FHIT: variants seen among roughly 807,000 people sequenced by gnomAD.
The protein encoded by FHIT is bis(5'-adenosyl)-triphosphatase.
FHIT carries 19 observed loss-of-function variants against 17.9 expected under a neutral mutation model. The observed-to-expected ratio is 1.06, with a 90% CI of 0.74 to 1.56. The LOEUF is 1.56. Ranked by LOEUF, FHIT falls within the 40% of genes most tolerant of loss-of-function variation. The pLI, the probability that FHIT is intolerant of heterozygous loss-of-function variation, is 0.00. For synonymous variants in FHIT, 81 were observed against 69.7 expected (o/e 1.16, Z -0.81); for missense variants, 248 against 189.2 (o/e 1.31, Z -1.82).
At chr3:60,737,390 C>T (rs2108001322) in intron 4 of FHIT, among the ~76,000 whole-genome samples, 1 of 152,310 alleles carries the variant, frequency 6.6e-6, no homozygotes, top group Admixed American at 6.5e-5. Flanking sequence ...TGGGCCATGA[C>T]CAGTTACACT....
chr3:60,465,525 C>T (rs754728823), intron 5 of FHIT, among the ~76,000 whole-genome samples: 2 of 151,998 alleles, frequency 1.3e-5, no homozygotes, highest in African/African-American at 4.8e-5. Flanking sequence ...AGTTTGAGGT[C>T]TTATATTTAA....
chr3:60,586,872 C>CA (rs1191140978), intron 4 of FHIT, among the ~76,000 whole-genome samples: 3 of 150,766 alleles, frequency 2.0e-5, no homozygotes, highest in Non-Finnish European at 3.0e-5. Flanking sequence ...GAAAGAGGAG[C>CA]AAAAAAAATA....
intron 5 of FHIT, among the ~76,000 whole-genome samples, chr3:60,481,251 T>G (rs1308085848): frequency 1.3e-5 from 2 of 152,128 alleles, no homozygotes; most frequent in African/African-American, 4.8e-5. Context: ...AAAACACACT[T>G]CAGGATATTA....
chr3:60,040,931 A>G lies in FHIT; in HGVS notation c.104-26779T>C, dbSNP rs368452654. Among the ~76,000 whole-genome samples, 6 of 152,284 alleles carry G rather than the reference A, an allele frequency of 3.9e-5. No homozygotes were observed. The East Asian group carries it at 5.8e-4, about 15-fold the overall frequency. The stretch of plus-strand genomic sequence containing the variant: ...TGGGGGTAAACCACCTGGGGCCTCA[A>G]GATTTATTAGGACCTCACAATAGCA... On this transcript the variant is annotated intron_variant, in intron 5 of 9. Transcript: ENST00000492590.
chr3:60,550,028 T>C (rs1211568755), intron 4 of FHIT, among the ~76,000 whole-genome samples: 1 of 152,168 alleles, frequency 6.6e-6, no homozygotes, highest in Non-Finnish European at 1.5e-5. Context: ...AGTAGGTTTC[T>C]ATTTCAATTA....
chr3:60,829,757 C>CCCGGGAGGCGGAGCTTGCAG (rs1702254097), intron 3 of FHIT, among the ~76,000 whole-genome samples: 1 of 152,140 alleles, frequency 6.6e-6, no homozygotes, highest in South Asian at 2.1e-4. Flanking sequence ...GAGGGAAGAA[C>CCCGGGAGGCGGAGCTTGCAG]TGAAACTCGG....
chr3:61,053,235 A>C (rs1273313080), intron 2 of FHIT, among the ~76,000 whole-genome samples: 3 of 152,206 alleles, frequency 2.0e-5, no homozygotes, highest in African/African-American at 7.2e-5. Context: ...TCAACCTGCC[A>C]TGCCTCTTGA....
chr3:61,202,507 GT>G (rs201722189), intron 1 of FHIT, among the ~76,000 whole-genome samples: 15,483 of 135,662 alleles, frequency 0.11, 907 homozygotes, highest in Non-Finnish European at 0.15. Flanking sequence ...TTACTTTTTC[GT>G]TAAAAAAAAA....
intron 2 of FHIT, among the ~76,000 whole-genome samples, chr3:61,105,796 G>T (rs958179968): frequency 6.6e-6 from 1 of 152,132 alleles, no homozygotes; most frequent in African/African-American, 2.4e-5. Context: ...TGCAGAAAAG[G>T]TCTGGTTCTT....
intron 2 of FHIT, among the ~76,000 whole-genome samples, chr3:61,176,476 C>A (rs1576154791): frequency 6.6e-6 from 1 of 152,314 alleles, no homozygotes. Flanking sequence ...GAATCTTTCA[C>A]TGCAACAACT....
At chr3:60,569,757 T>TATATATATATA (rs1449802542) in intron 4 of FHIT, among the ~76,000 whole-genome samples, 3 of 21,700 alleles carry the variant, frequency 1.4e-4, no homozygotes, top group Non-Finnish European at 2.7e-4. Context: ...ATATATATAT[T>TATATATATATA]TTTTTTTTTT....
intron 8 of FHIT, among the ~76,000 whole-genome samples, chr3:59,818,406 G>A (rs980044156): frequency 1.3e-5 from 2 of 151,970 alleles, no homozygotes; most frequent in Admixed American, 6.6e-5. Context: ...TCTACCTTTC[G>A]CAGAGACTGC....
rs549097152 is a variant in FHIT at position 60,185,605 on chromosome 3, A to T, written c.104-171453T>A. On this transcript the variant is annotated intron_variant, in intron 5 of 9. Transcript: ENST00000492590. Reference sequence around the variant, plus strand: ...TTCCAGTGCAGGGTTTTCTAATTTCATAAGTTTTCATATCAGTTGGGTAAA... The same window carrying T: ...TTCCAGTGCAGGGTTTTCTAATTTCTTAAGTTTTCATATCAGTTGGGTAAA... 1.3e-4 allele frequency among the ~76,000 whole-genome samples: 20 copies of T among 152,286 alleles called. No homozygotes were observed. The East Asian group carries it at 3.9e-3, about 29-fold the overall frequency.
intron 5 of FHIT, among the ~76,000 whole-genome samples, chr3:60,037,629 G>C (rs185339388): frequency 6.6e-6 from 1 of 151,812 alleles, no homozygotes; most frequent in African/African-American, 2.4e-5. Flanking sequence ...TGATCCGCCC[G>C]ACTTGGCCTC....
intron 3 of FHIT, among the ~76,000 whole-genome samples, chr3:60,831,334 G>C (rs1553742466): frequency 6.6e-6 from 1 of 152,150 alleles, no homozygotes; most frequent in Non-Finnish European, 1.5e-5. Context: ...TACTCTGAAA[G>C]AGAACTTCTT....
chr3:60,785,855 T>G (rs1700547419), intron 4 of FHIT, among the ~76,000 whole-genome samples: 1 of 150,344 alleles, frequency 6.7e-6, no homozygotes, highest in South Asian at 2.1e-4. Flanking sequence ...GCAAACAGCT[T>G]CATGCTAGAA....
At chr3:61,229,355 G>A (rs1252966564) in intron 1 of FHIT, among the ~76,000 whole-genome samples, 2 of 152,148 alleles carry the variant, frequency 1.3e-5, no homozygotes, top group African/African-American at 4.8e-5. Flanking sequence ...GCTAGAAGAG[G>A]CAAGGAAGTT....
Position 59,748,269 on chromosome 3 carries a change from T to C in FHIT, c.*1316A>G, listed in dbSNP as rs578100817. On this transcript the variant is annotated 3_prime_UTR_variant, in exon 10 of 10. Coordinates refer to ENST00000492590, the MANE Select transcript of FHIT (RefSeq NM_002012.4). ...TGAATCAAGTAAATAATGCTCTAGGTGGTCCACAAAGATAAGAAAAATCAT... is the reference window on the plus strand; with the variant it reads ...TGAATCAAGTAAATAATGCTCTAGGCGGTCCACAAAGATAAGAAAAATCAT... Among the ~76,000 whole-genome samples the C allele has an allele frequency of 2.0e-5, 3 of 152,176 alleles. No individual in the cohort carries two copies. Among genetic ancestry groups the C allele is most frequent in the Admixed American group, 6.6e-5 (1 of 15,266 alleles).
At chr3:60,926,804 C>G (rs1222068257) in intron 3 of FHIT, among the ~76,000 whole-genome samples, 1 of 152,020 alleles carries the variant, frequency 6.6e-6, no homozygotes, top group Non-Finnish European at 1.5e-5. Context: ...TGATAGACTG[C>G]TAGCAAGACT....
Sources: allele counts gnomAD v4.1 joint callset (sites outside exome capture counted in the v4.1 genomes callset), GRCh38; gene constraint gnomAD v4.1.1; transcripts MANE v1.5; gene names NCBI Gene and HGNC (gene_info 2026-07-23, HGNC 2026-07-21).